The following MTR variants were observed in gnomAD, a reference collection of about 807,000 sequenced individuals.
MTR encodes the protein 5-methyltetrahydrofolate-homocysteine methyltransferase, also known as methionine synthase.
MTR carries 84 observed loss-of-function variants against 154.8 expected under a neutral mutation model. The observed-to-expected ratio is 0.54, with a 90% CI of 0.45 to 0.65. The LOEUF is 0.65. MTR is among the 30% of genes least tolerant of loss of function. The pLI is 0.00. For synonymous variants in MTR, 554 were observed against 553.9 expected (o/e 1.00, Z 0.00); for missense variants, 1,275 against 1,570.2 (o/e 0.81, Z 3.18).
intron 8 of MTR, among the ~76,000 whole-genome samples, chr1:236,821,939 C>A (rs1011492040): frequency 6.6e-6 from 1 of 152,192 alleles, no homozygotes; most frequent in Non-Finnish European, 1.5e-5. Flanking sequence ...ACCAATTCCA[C>A]ATTGTCTTGA....
At chr1:236,860,685 G>C (rs1463958838) in intron 19 of MTR, among the ~76,000 whole-genome samples, 1 of 151,982 alleles carries the variant, frequency 6.6e-6, no homozygotes, top group African/African-American at 2.4e-5. Context: ...TGTATAATCT[G>C]GTAAAACACG....
chr1:236,838,940 T>G (rs892640987), intron 15 of MTR, among the ~76,000 whole-genome samples: 2 of 152,238 alleles, frequency 1.3e-5, no homozygotes, highest in African/African-American at 4.8e-5. Context: ...TAATATAGCA[T>G]GTTACCGTAC....
At position 236,850,251 on chromosome 1, in the gene MTR, T is replaced by C. The variant is rs6658027; in HGVS notation, c.1516-93T>C. 30,236 of 314,554 alleles carry C rather than the reference T, an allele frequency of 0.096. 1,607 individuals are homozygous for C. The highest frequency in any genetic ancestry group is 0.26 in the African/African-American group (10,233 of 39,292). 19.5% of individuals were successfully genotyped at this position (314,554 alleles called of 1,614,324 possible). On this transcript the variant is annotated intron_variant, in intron 15 of 32. Coordinates refer to ENST00000366577, the MANE Select transcript of MTR (RefSeq NM_000254.3). ...ATAACACTTAATATTTTAATATTAA[T>C]ATTTTATTAAAATAAAATAACAGGT...
At chr1:236,871,540 G>A (rs1396094099) in intron 22 of MTR, among the ~76,000 whole-genome samples, 1 of 152,058 alleles carries the variant, frequency 6.6e-6, no homozygotes, top group African/African-American at 2.4e-5. Flanking sequence ...GCTTTGAAAT[G>A]TATGCCTTTT....
intron 19 of MTR, 53 bp from the exon 20 acceptor site, chr1:236,861,072 A>AT (rs953612527): frequency 4.9e-3 from 5,935 of 1,214,364 alleles, no homozygotes; most frequent in Non-Finnish European, 5.0e-3. Flanking sequence ...TTTTTAGGTG[A>AT]TTTTTTTTTT....
chr1:236,871,184 C>A (rs1185383173), intron 22 of MTR, among the ~76,000 whole-genome samples: 2 of 152,278 alleles, frequency 1.3e-5, no homozygotes, highest in East Asian at 3.9e-4. Flanking sequence ...TTCCCGGACC[C>A]CACCCCTGGT....
At position 236,894,498 on chromosome 1, in the gene MTR, G is replaced by A. The variant is rs1180496181; in HGVS notation, c.3346G>A (p.Asp1116Asn). 6.2e-7 allele frequency: 1 copy of A among 1,614,160 alleles called. No individual in the cohort carries two copies. Among genetic ancestry groups the A allele is most frequent in the Admixed American group, 1.7e-5 (1 of 60,022 alleles). Reference sequence around the variant, plus strand: ...AGAAGAGCTGAGCAAGGCCTATGAGGATGATGGTGACGACTACAGCAGCAT... The same window carrying A: ...AGAAGAGCTGAGCAAGGCCTATGAGAATGATGGTGACGACTACAGCAGCAT... ...GVEELSKAYE[D>N]DGDDYSSIMV... is the part of the protein sequence containing the mutation. The change falls in exon 30 of 33, where the codon GAT becomes AAT. Residue 1116 changes from aspartate to asparagine, a missense_variant. Physicochemically the swap from Asp to Asn is conservative, Grantham distance 23. Coordinates refer to ENST00000366577, the MANE Select transcript of MTR (RefSeq NM_000254.3).
At chr1:236,825,726 G>A (rs1375158556) in intron 10 of MTR, among the ~76,000 whole-genome samples, 1 of 152,088 alleles carries the variant, frequency 6.6e-6, no homozygotes, top group African/African-American at 2.4e-5. Context: ...TCAGACTGCT[G>A]GGTGGAGTAG....
chr1:236,869,507 AGC>A (rs1185974532), intron 22 of MTR, among the ~76,000 whole-genome samples: 1 of 152,188 alleles, frequency 6.6e-6, no homozygotes, highest in African/African-American at 2.4e-5. Flanking sequence ...CTCTCTTCTG[AGC>A]ACTTTAAAAC....
chr1:236,891,772 C>T (rs1275511047), intron 29 of MTR, among the ~76,000 whole-genome samples: 1 of 152,158 alleles, frequency 6.6e-6, no homozygotes, highest in Non-Finnish European at 1.5e-5. Context: ...GAATGTATAC[C>T]AGGTGCCAGG....
At chr1:236,871,815 G>C (rs1028255156) in intron 22 of MTR, among the ~76,000 whole-genome samples, 3 of 152,034 alleles carry the variant, frequency 2.0e-5, no homozygotes, top group African/African-American at 7.2e-5. Context: ...ACTTTTTACT[G>C]AAGATTCCAT....
At chr1:236,858,054 A>G (rs1284628454) in intron 18 of MTR, among the ~76,000 whole-genome samples, 1 of 152,196 alleles carries the variant, frequency 6.6e-6, no homozygotes, top group African/African-American at 2.4e-5. Context: ...CATAAGGAAC[A>G]GAAGTGTTCT....
Position 236,812,723 on chromosome 1 carries a change from A to T in MTR, c.503-15A>T. On this transcript the variant is annotated splice_polypyrimidine_tract_variant and intron_variant, in intron 5 of 32. Coordinates refer to ENST00000366577, the MANE Select transcript of MTR (RefSeq NM_000254.3). ...ATTGATGACTGATGTGCTGGGTGTG[A>T]TTTATTTTTTGCAGCATTTGATGAG... 1 of 1,609,906 alleles carries T rather than the reference A, an allele frequency of 6.2e-7. No individual in the cohort carries two copies. Among genetic ancestry groups the T allele is most frequent in the Non-Finnish European group, 8.5e-7 (1 of 1,176,192 alleles).
chr1:236,803,204 C>T (rs1333433151), intron 1 of MTR, among the ~76,000 whole-genome samples: 3 of 152,102 alleles, frequency 2.0e-5, no homozygotes, highest in African/African-American at 7.2e-5. Flanking sequence ...ACCTTGGTTT[C>T]GTGCTTCACC....
rs754754062 is a variant in MTR, at chr1:236,880,842, TGGGTGACCTTACATTTTATTCCA to T, written c.2676+8_2676+30del. On this transcript the variant is annotated splice_region_variant and intron_variant, in intron 25 of 32. Transcript: ENST00000366577. ...CGTCCAAGAGTGTGGTGGTGGTAAGTGGGTGACCTTACATTTTATTCCAGATGTGTTGGAAAGCTTGCATTACA... is the reference window on the plus strand; with the variant it reads ...CGTCCAAGAGTGTGGTGGTGGTAAGTGATGTGTTGGAAAGCTTGCATTACA... The T allele has an allele frequency of 2.5e-6, 4 of 1,612,602 alleles. No homozygotes were observed. Among genetic ancestry groups the T allele is most frequent in the Non-Finnish European group, 3.4e-6 (4 of 1,178,772 alleles).
At chr1:236,895,786 C>T (rs943541610) in intron 31 of MTR, among the ~76,000 whole-genome samples, 28 of 152,244 alleles carry the variant, frequency 1.8e-4, no homozygotes, top group African/African-American at 5.5e-4. Flanking sequence ...TCTTGGCCTA[C>T]GCCAGATGGG....
intron 14 of MTR, among the ~76,000 whole-genome samples, chr1:236,838,152 C>A (rs979614887): frequency 5.3e-5 from 8 of 152,178 alleles, no homozygotes; most frequent in African/African-American, 1.7e-4. Flanking sequence ...GTGAACTGAT[C>A]ACACTGATTT....
chr1:236,840,190 C>G (rs1251865947), intron 15 of MTR, among the ~76,000 whole-genome samples: 1 of 152,114 alleles, frequency 6.6e-6, no homozygotes, highest in Non-Finnish European at 1.5e-5. Flanking sequence ...TTCAAATCAT[C>G]CAGAAGACTG....
At chr1:236,805,178 GT>G (rs1363667965) in intron 2 of MTR, among the ~76,000 whole-genome samples, 1 of 152,130 alleles carries the variant, frequency 6.6e-6, no homozygotes, top group Non-Finnish European at 1.5e-5. Context: ...AATCAAGGGG[GT>G]CAAGGGATTC....
Sources: allele counts gnomAD v4.1 joint callset (sites outside exome capture counted in the v4.1 genomes callset), GRCh38; gene constraint gnomAD v4.1.1; transcripts MANE v1.5; gene names NCBI Gene and HGNC (gene_info 2026-07-23, HGNC 2026-07-21).